The following SHISA7 variants were observed in gnomAD, a reference collection of about 807,000 sequenced individuals.
SHISA7 encodes shisa family member 7, also known as protein shisa-7.
A neutral mutation model predicts 23.9 loss-of-function variants in SHISA7; 6 were observed. That is an observed-to-expected ratio of 0.25 (90% CI 0.14 to 0.50). The LOEUF (loss-of-function observed/expected upper bound fraction) is 0.50, where lower values mean the gene tolerates loss of function less well. Ranked by LOEUF, SHISA7 falls within the 20% of genes least tolerant of loss-of-function variation. SHISA7 has a pLI of 0.98. For synonymous variants in SHISA7, 386 were observed against 398.3 expected (o/e 0.97, Z 0.37); for missense variants, 671 against 801.1 (o/e 0.84, Z 1.96).
At position 55,436,090 on chromosome 19, in the gene SHISA7, C is replaced by T. The variant is rs372231333; in HGVS notation, c.976+1515G>A. Among the ~76,000 whole-genome samples the T allele has an allele frequency of 1.8e-4, 28 of 151,964 alleles. No individual in the cohort carries two copies. The East Asian group carries it at 4.7e-3, about 25-fold the overall frequency. ...TCATCTGAGGTCAGGAGTTCGAGAC[C>T]AGCCTGACCAACATGGTGAAACCCC... On this transcript the variant is annotated intron_variant, in intron 3 of 3. Transcript: ENST00000376325.
Position 55,433,134 on chromosome 19 carries a change from C to A in SHISA7, c.*22G>T. 6.6e-7 allele frequency: 1 copy of A among 1,507,944 alleles called. No individual in the cohort carries two copies. Among genetic ancestry groups the A allele is most frequent in the South Asian group, 1.2e-5 (1 of 82,054 alleles). 93.4% of individuals were successfully genotyped at this position (1,507,944 alleles called of 1,614,324 possible). A position where few individuals can be genotyped will look rare whatever the true frequency, so the allele number is the denominator to read the frequency against. On this transcript the variant is annotated 3_prime_UTR_variant, in exon 4 of 4. Transcript: ENST00000376325. The surrounding 1 kb of genome is among the most constrained non-coding windows in gnomAD (Gnocchi z 8.4). ...GGACGGGGGGCCCGGGAGGCCGCAG[C>A]CCCCCAGACCCGGCCCTGGCCTCAG...
intron 3 of SHISA7, among the ~76,000 whole-genome samples, chr19:55,435,262 T>TGTGTGTGC (rs562537908): frequency 7.6e-6 from 1 of 131,014 alleles, no homozygotes; most frequent in African/African-American, 3.0e-5. Context: ...GTGGTGTGTA[T>TGTGTGTGC]GTGTGTGCGT....
chr19:55,437,623 A>G lies in SHISA7; in HGVS notation c.958T>C (p.Ser320Pro), dbSNP rs1985495947. Residue 320 changes from serine (S) to proline (P), a missense_variant, in exon 3 of 4, where the codon TCT becomes CCT. Physicochemically the swap from Ser to Pro is moderately conservative, Grantham distance 74. Transcript: ENST00000376325. ...AAVKSELNRY[S>P]SLKRLAEKDL... ...GACTCACCCAGCCTCTTGAGGGAAG[A>G]GTAGCGGTTCAGCTCGGATTTCACG... The G allele has an allele frequency of 1.3e-6, 2 of 1,551,214 alleles. No homozygotes were observed. The highest frequency in any genetic ancestry group is 1.2e-5 in the South Asian group (1 of 84,046).
intron 2 of SHISA7, among the ~76,000 whole-genome samples, chr19:55,438,317 T>A (rs951128688): frequency 1.3e-5 from 2 of 152,170 alleles, no homozygotes; most frequent in Non-Finnish European, 1.5e-5. Flanking sequence ...TGGGCATTTG[T>A]CAGCACCCAC....
At chr19:55,439,581 A>G (rs780924016) in intron 2 of SHISA7, among the ~76,000 whole-genome samples, 4 of 152,082 alleles carry the variant, frequency 2.6e-5, no homozygotes, top group Non-Finnish European at 2.9e-5. Context: ...TGAGGTCACC[A>G]ACCACCCTCT....
chr19:55,433,460 G>A lies in SHISA7; in HGVS notation c.1313C>T (p.Pro438Leu). The A allele has an allele frequency of 7.3e-7, 1 of 1,364,460 alleles. No homozygotes were observed. Among genetic ancestry groups the A allele is most frequent in the Non-Finnish European group, 9.4e-7 (1 of 1,065,998 alleles). The allele number at this position is 1,364,460 out of a possible 1,614,324, so 84.5% of individuals were successfully genotyped here. The change falls in exon 4 of 4, where the codon CCC becomes CTC. Residue 438 changes from proline to leucine, a missense_variant. Pro to Leu is a moderately conservative substitution (Grantham distance 98, BLOSUM62 -3). This residue lies in a region of SHISA7 where 457 missense variants were observed against 488.3 expected (regional missense o/e 0.94). Coordinates refer to ENST00000376325, the MANE Select transcript of SHISA7 (RefSeq NM_001145176.2). This position sits in a 1 kb window ranked among gnomAD's most constrained non-coding sequence, Gnocchi z 8.4. ...LLSPPRSPAL[P>L]PDPTARASLA... is the part of the protein sequence containing the mutation. ...GCTGGCCCGGGCGGTGGGGTCGGGG[G>A]GCAGCGCGGGGCTGCGCGGGGGCGA...
Position 55,442,189 on chromosome 19 carries a change from G to T in SHISA7, c.671+4C>A. On this transcript the variant is annotated splice_donor_region_variant and intron_variant, in intron 1 of 3. Coordinates refer to ENST00000376325, the MANE Select transcript of SHISA7 (RefSeq NM_001145176.2). ...GCAGTCCTCCCGCCCGAGAGCACACGCACCTGGGCACGTTGATATCCCGGT... is the reference window on the plus strand; with the variant it reads ...GCAGTCCTCCCGCCCGAGAGCACACTCACCTGGGCACGTTGATATCCCGGT... 1 of 1,530,978 alleles carries T rather than the reference G, an allele frequency of 6.5e-7. No homozygotes were observed. The highest frequency in any genetic ancestry group is 8.7e-7 in the Non-Finnish European group (1 of 1,144,074). The allele number at this position is 1,530,978 out of a possible 1,614,324, so 94.8% of individuals were successfully genotyped here.
chr19:55,435,226 A>ATGG (rs1490867115), intron 3 of SHISA7, among the ~76,000 whole-genome samples: 3 of 62,392 alleles, frequency 4.8e-5, no homozygotes, highest in African/African-American at 1.4e-4. Flanking sequence ...GTGTGTGTGT[A>ATGG]TGTGTGTGTG....
intron 2 of SHISA7, among the ~76,000 whole-genome samples, chr19:55,439,030 CCAT>C (rs1267063528): frequency 1.3e-5 from 2 of 152,170 alleles, no homozygotes; most frequent in African/African-American, 4.8e-5. Context: ...GCCATCCAGC[CCAT>C]CCATCTCCAT....
chr19:55,431,684 A>AC lies in SHISA7; in HGVS notation c.*1471dup, dbSNP rs1985211669. On this transcript the variant is annotated 3_prime_UTR_variant, in exon 4 of 4. Transcript: ENST00000376325. ...TGTCAGTGAGGGCAAGAGTAGGTGTACCCCAAGCACCTCCCCCCAGTAGAA... is the reference window on the plus strand; with the variant it reads ...TGTCAGTGAGGGCAAGAGTAGGTGTACCCCCAAGCACCTCCCCCCAGTAGAA... The AC allele has an allele frequency of 1.3e-5, 2 of 152,046 alleles. No individual in the cohort carries two copies. The highest frequency in any genetic ancestry group is 1.3e-4 in the Admixed American group (2 of 15,264). 9.4% of individuals were successfully genotyped at this position (152,046 alleles called of 1,614,324 possible). A position where few individuals can be genotyped will look rare whatever the true frequency, so the allele number is the denominator to read the frequency against.
In SHISA7 at chr19:55,433,574, A is replaced by T; in HGVS notation, c.1199T>A (p.Phe400Tyr). 1.3e-6 allele frequency: 2 copies of T among 1,497,480 alleles called. No homozygotes were observed. The highest frequency in any genetic ancestry group is 1.8e-6 in the Non-Finnish European group (2 of 1,129,606). The allele number at this position is 1,497,480 out of a possible 1,614,324, so 92.8% of individuals were successfully genotyped here. ...CACCAGGCGCGCGCGCGGCAGCGTG[A>T]ACTCGTAGCGCGAACGGCCACCATC... is the stretch of plus-strand genomic sequence containing the variant. ...LGDGGRSRYE[F>Y]TLPRARLVSQ... The change falls in exon 4 of 4, where the codon TTC becomes TAC. Residue 400 changes from phenylalanine (F) to tyrosine (Y), a missense_variant. Phe to Tyr is a conservative substitution (Grantham distance 22). Around this residue, in one of 5 missense-constraint regions of SHISA7, gnomAD observed 457 missense variants for 488.3 expected, o/e 0.94. Transcript: ENST00000376325. This position sits in a 1 kb window ranked among gnomAD's most constrained non-coding sequence, Gnocchi z 8.4.
chr19:55,433,323 C>G lies in SHISA7; in HGVS notation c.1450G>C (p.Gly484Arg), dbSNP rs1015595671. Residue 484 changes from glycine to arginine, a missense_variant, in exon 4 of 4, where the codon GGC becomes CGC. Physicochemically the swap from Gly to Arg is moderately radical, Grantham distance 125. Around this residue, in one of 5 missense-constraint regions of SHISA7, gnomAD observed 457 missense variants for 488.3 expected, o/e 0.94. Coordinates refer to ENST00000376325, the MANE Select transcript of SHISA7 (RefSeq NM_001145176.2). This position sits in a 1 kb window ranked among gnomAD's most constrained non-coding sequence, Gnocchi z 8.4. ...LHAHHHHALHGSPQPAWMSDA... is the reference protein window; with the variant it reads ...LHAHHHHALHRSPQPAWMSDA... ...GACATCCAGGCCGGCTGCGGCGAGCCGTGCAGGGCGTGGTGGTGGTGGGCG... is the reference window on the plus strand; with the variant it reads ...GACATCCAGGCCGGCTGCGGCGAGCGGTGCAGGGCGTGGTGGTGGTGGGCG... 2 of 1,460,776 alleles carry G rather than the reference C, an allele frequency of 1.4e-6. No homozygotes were observed. The highest frequency in any genetic ancestry group is 1.8e-6 in the Non-Finnish European group (2 of 1,116,020). The allele number at this position is 1,460,776 out of a possible 1,614,324, so 90.5% of individuals were successfully genotyped here.
intron 2 of SHISA7, among the ~76,000 whole-genome samples, chr19:55,438,879 C>G (rs988399136): frequency 1.4e-4 from 19 of 138,054 alleles, no homozygotes; most frequent in Non-Finnish European, 1.7e-4. Flanking sequence ...CACCCCCCCC[C>G]CTGGTGCCCA....
chr19:55,433,761 G>C lies in SHISA7; in HGVS notation c.1012C>G (p.Arg338Gly). The change falls in exon 4 of 4, where the codon CGG (arginine) becomes GGG (glycine). Residue 338 changes from arginine (R) to glycine (G), a missense_variant. Physicochemically the swap from Arg to Gly is moderately radical, Grantham distance 125 (BLOSUM62 -2). Around this residue, in one of 5 missense-constraint regions of SHISA7, gnomAD observed 457 missense variants for 488.3 expected, o/e 0.94. Coordinates refer to ENST00000376325, the MANE Select transcript of SHISA7 (RefSeq NM_001145176.2). The surrounding 1 kb of genome is among the most constrained non-coding windows in gnomAD (Gnocchi z 8.4). ...KDLDEAYLKRRPLELPRGTLP... is the reference protein window; with the variant it reads ...KDLDEAYLKRGPLELPRGTLP... ...GTGCCGCGGGGCAATTCCAGGGGCC[G>C]GCGCTTCAGGTAGGCCTCGTCCAGA... 6.9e-7 allele frequency: 1 copy of C among 1,449,206 alleles called. No homozygotes were observed. The allele number at this position is 1,449,206 out of a possible 1,614,324, so 89.8% of individuals were successfully genotyped here.
chr19:55,442,698 G>T lies in SHISA7; in HGVS notation c.166C>A (p.Pro56Thr). Residue 56 changes from proline (P) to threonine (T), a missense_variant, in exon 1 of 4, where the codon CCA becomes ACA. Transcript: ENST00000376325. ...ALTGGGGAAS[P>T]GANGTRTGPA... ...CCGGTCCTGGTGCCGTTGGCGCCTG[G>T]GCTCGCCGCGCCCCCGCCGCCCGTC... The T allele has an allele frequency of 6.8e-6, 7 of 1,024,890 alleles. No homozygotes were observed. The highest frequency in any genetic ancestry group is 8.2e-6 in the Non-Finnish European group (7 of 858,030). 63.5% of individuals were successfully genotyped at this position (1,024,890 alleles called of 1,614,324 possible). A position where few individuals can be genotyped will look rare whatever the true frequency, so the allele number is the denominator to read the frequency against.
chr19:55,438,418 T>G, intron 2 of SHISA7: 3 of 669,014 alleles, frequency 4.5e-6, no homozygotes, highest in Non-Finnish European at 4.5e-6. Context: ...CTTGGTGACC[T>G]GGCCAGACCA....
In SHISA7 at chr19:55,429,186, TA is replaced by T. The variant is rs1985106349; in HGVS notation, c.*3969del. On this transcript the variant is annotated 3_prime_UTR_variant, in exon 4 of 4. Coordinates refer to ENST00000376325, the MANE Select transcript of SHISA7 (RefSeq NM_001145176.2). ...TGTGCCAACTGAATAGGGACAGGGC[TA>T]GGGGTGGGATCCCTGGAATCCAGGC... 6.6e-6 allele frequency: 1 copy of T among 152,300 alleles called. No individual in the cohort carries two copies. Among genetic ancestry groups the T allele is most frequent in the Admixed American group, 6.5e-5 (1 of 15,280 alleles). 9.4% of individuals were successfully genotyped at this position (152,300 alleles called of 1,614,324 possible). A position where few individuals can be genotyped will look rare whatever the true frequency, so the allele number is the denominator to read the frequency against.
In SHISA7 at chr19:55,437,748, C is replaced by T. The variant is rs1021841055; in HGVS notation, c.833G>A (p.Arg278Gln). ...NTVKTPNLDWRALPPPSPSLH... is the reference protein window; with the variant it reads ...NTVKTPNLDWQALPPPSPSLH... ...GGAGGGGCTGGGCGGCGGCAAGGCT[C>T]GCCAGTCTGGGTTAGAGGGGGCAGG... The change falls in exon 3 of 4, where the codon CGA becomes CAA. Residue 278 changes from arginine to glutamine, a missense_variant. Coordinates refer to ENST00000376325, the MANE Select transcript of SHISA7 (RefSeq NM_001145176.2). The T allele has an allele frequency of 4.5e-6, 7 of 1,549,988 alleles. No homozygotes were observed. Among genetic ancestry groups the T allele is most frequent in the Non-Finnish European group, 6.1e-6 (7 of 1,146,400 alleles).
At chr19:55,442,136 C>T in intron 1 of SHISA7, 57 bp downstream of exon 1, 1 of 1,460,224 alleles carries the variant, frequency 6.8e-7, no homozygotes, top group Non-Finnish European at 9.1e-7. Flanking sequence ...ATGGCTCCAC[C>T]TCCCTTGCTG....
Sources: gnomAD v4.1 joint callset for allele counts (sites outside exome capture counted in the v4.1 genomes callset) on GRCh38, gnomAD v4.1.1 for gene constraint, gnomAD v4.1.1 regional missense constraint, Gnocchi (gnomAD v3.1) non-coding constraint, MANE v1.5 for transcripts, NCBI Gene and HGNC (gene_info 2026-07-23, HGNC 2026-07-21) for gene names.